Variants in CSMD1 observed in about 807,000 individuals in gnomAD.
CSMD1 encodes CUB and Sushi multiple domains 1.
In CSMD1, 213 loss-of-function variants were observed where a neutral mutation model predicts 417.5. That is an observed-to-expected ratio of 0.51 (90% CI 0.46 to 0.57). The LOEUF is 0.57. CSMD1 is among the 20% of genes least tolerant of loss of function. The pLI is 0.00. For synonymous variants in CSMD1, 2,862 were observed against 1,736.8 expected, an observed-to-expected ratio of 1.65 and a Z score of -16.11; for missense variants, 6,923 against 4,529.7, an observed-to-expected ratio of 1.53 and a Z score of -15.17.
intron 5 of CSMD1, among the ~76,000 whole-genome samples, chr8:3,957,364 A>C (rs60439755): frequency 0.017 from 2,566 of 152,296 alleles, 60 homozygotes; most frequent in African/African-American, 0.057. Context: ...GCTAGGCACC[A>C]AGGCAGGTGT....
At chr8:4,943,539 AAAATC>A (rs1209320615) in intron 1 of CSMD1, among the ~76,000 whole-genome samples, 1 of 139,622 alleles carries the variant, frequency 7.2e-6, no homozygotes, top group Non-Finnish European at 1.6e-5. Flanking sequence ...AAAATAAAAT[AAAATC>A]ATCACCTCTC....
intron 2 of CSMD1, among the ~76,000 whole-genome samples, chr8:4,570,301 G>C (rs904094678): frequency 4.6e-5 from 7 of 152,068 alleles, no homozygotes; most frequent in African/African-American, 1.7e-4. Context: ...TTATTATTTT[G>C]ACATATGTTC....
At chr8:4,136,549 G>A (rs1238692990) in intron 3 of CSMD1, among the ~76,000 whole-genome samples, 4 of 152,186 alleles carry the variant, frequency 2.6e-5, no homozygotes, top group Non-Finnish European at 5.9e-5. Context: ...CTCAGCAAAA[G>A]ATGCAAAATG....
intron 36 of CSMD1, among the ~76,000 whole-genome samples, chr8:3,185,482 G>T (rs1821691863): frequency 6.6e-6 from 1 of 152,116 alleles, no homozygotes; most frequent in South Asian, 2.1e-4. Context: ...TGTGTAAAAT[G>T]TGTTCTGTCA....
rs571845164 is a variant in CSMD1, at chr8:3,359,686, G to C, written c.3116-346C>G. Among the ~76,000 whole-genome samples, 21 of 152,114 alleles carry C rather than the reference G, an allele frequency of 1.4e-4. No individual in the cohort carries two copies. In the East Asian group the frequency reaches 3.1e-3, roughly 22 times the overall value. ...ATATGTTCTAATACTTGATAGCAGA[G>C]TAAGGTGACTATAGTGAGTAATAAT... is the stretch of plus-strand genomic sequence containing the variant. On this transcript the variant is annotated intron_variant, in intron 20 of 69. Coordinates refer to ENST00000635120, the MANE Select transcript of CSMD1 (RefSeq NM_033225.6).
chr8:4,298,076 T>C (rs1797781363), intron 3 of CSMD1, among the ~76,000 whole-genome samples: 1 of 152,100 alleles, frequency 6.6e-6, no homozygotes, highest in South Asian at 2.1e-4. Flanking sequence ...AGCGTCTCTC[T>C]GGTGAAAACC....
intron 3 of CSMD1, among the ~76,000 whole-genome samples, chr8:4,090,212 A>G (rs556813080): frequency 4.8e-4 from 73 of 152,308 alleles, no homozygotes; most frequent in Non-Finnish European, 4.6e-4. Flanking sequence ...ATTGTCTTAA[A>G]AAGTATTTTT....
intron 2 of CSMD1, among the ~76,000 whole-genome samples, chr8:4,430,557 A>G (rs1585062285): frequency 6.6e-6 from 1 of 152,086 alleles, no homozygotes; most frequent in East Asian, 1.9e-4. Context: ...AATAAAAGTT[A>G]CTCTGGGGAA....
chr8:4,409,607 G>A (rs962633314), intron 3 of CSMD1, among the ~76,000 whole-genome samples: 4 of 149,880 alleles, frequency 2.7e-5, no homozygotes, highest in African/African-American at 9.8e-5. Flanking sequence ...CTCTGACTTA[G>A]AAGAGTATAG....
chr8:3,111,659 C>A (rs985377718), intron 42 of CSMD1, among the ~76,000 whole-genome samples: 1 of 152,044 alleles, frequency 6.6e-6, no homozygotes, highest in Non-Finnish European at 1.5e-5. Flanking sequence ...TGGGGAAACC[C>A]TAACTCTACT....
chr8:4,217,671 A>G (rs968422506), intron 3 of CSMD1, among the ~76,000 whole-genome samples: 1 of 151,482 alleles, frequency 6.6e-6, no homozygotes, highest in Non-Finnish European at 1.5e-5. Context: ...AAAAAAAAAA[A>G]TTAGGAGCTA....
At chr8:4,841,919 A>ACAACAAC (rs1484042951) in intron 1 of CSMD1, among the ~76,000 whole-genome samples, 27 of 141,272 alleles carry the variant, frequency 1.9e-4, no homozygotes, top group African/African-American at 6.8e-4. Flanking sequence ...CTCAAAAAAA[A>ACAACAAC]AAAAAAAAAA....
At chr8:3,387,458 C>T (rs553553378) in intron 18 of CSMD1, 36 bp downstream of exon 18, 2 of 1,548,010 alleles carry the variant, frequency 1.3e-6, no homozygotes, top group East Asian at 2.4e-5. Flanking sequence ...TCTCTGCACA[C>T]CCTGCTGGTG....
chr8:3,938,663 T>C (rs896956734), intron 5 of CSMD1, among the ~76,000 whole-genome samples: 2 of 152,212 alleles, frequency 1.3e-5, no homozygotes, highest in African/African-American at 4.8e-5. Context: ...TGAAGTCTGC[T>C]TCTGTTAATT....
intron 41 of CSMD1, among the ~76,000 whole-genome samples, chr8:3,140,407 T>C (rs1055201009): frequency 2.6e-5 from 4 of 152,142 alleles, no homozygotes; most frequent in African/African-American, 7.2e-5. Context: ...TAGTGAGTGA[T>C]ACTGTTTGCT....
rs556778242 is a variant in CSMD1, at chr8:2,937,290, T to C, written c.*1295A>G. ...ACAAATGAATGTATAAAATATATCA[T>C]TGTGAGAGGAGAGTGTGTGTACTTT... On this transcript the variant is annotated 3_prime_UTR_variant, in exon 70 of 70. Transcript: ENST00000635120. 32 of 152,278 alleles carry C rather than the reference T, an allele frequency of 2.1e-4. No individual in the cohort carries two copies. The highest frequency in any genetic ancestry group is 1.7e-3 in the South Asian group (8 of 4,828). The allele number at this position is 152,278 out of a possible 1,614,324, so 9.4% of individuals were successfully genotyped here.
At chr8:4,417,442 T>C (rs925781233) in intron 3 of CSMD1, among the ~76,000 whole-genome samples, 1 of 152,048 alleles carries the variant, frequency 6.6e-6, no homozygotes, top group African/African-American at 2.4e-5. Context: ...ATTCTTCTCC[T>C]TTCAAGCCAA....
At chr8:4,933,909 A>T (rs1038409214) in intron 1 of CSMD1, among the ~76,000 whole-genome samples, 3 of 152,202 alleles carry the variant, frequency 2.0e-5, no homozygotes, top group African/African-American at 7.2e-5. Flanking sequence ...TTCATTTGTT[A>T]CATTTTTAAA....
At chr8:2,939,726 TG>T (rs1387566931) in intron 69 of CSMD1, among the ~76,000 whole-genome samples, 6 of 152,232 alleles carry the variant, frequency 3.9e-5, no homozygotes, top group Non-Finnish European at 8.8e-5. Flanking sequence ...GAGAAGTACG[TG>T]GCACATGGCT....
Sources: allele counts gnomAD v4.1 joint callset (sites outside exome capture counted in the v4.1 genomes callset), GRCh38; gene constraint gnomAD v4.1.1; transcripts MANE v1.5; gene names NCBI Gene and HGNC (gene_info 2026-07-23, HGNC 2026-07-21).